The following TMEM129 variants were observed in gnomAD, a reference collection of about 807,000 sequenced individuals.
TMEM129 encodes transmembrane protein 129, E3 ubiquitin ligase.
TMEM129 carries 35 observed loss-of-function variants against 34.1 expected under a neutral mutation model. The observed-to-expected ratio is 1.03, with a 90% CI of 0.78 to 1.36. TMEM129 has a LOEUF of 1.36. Among genes scored for constraint, TMEM129 ranks in the 40% most tolerant of loss-of-function variants. The pLI is 0.00. For synonymous variants in TMEM129, 239 were observed against 217.3 expected (o/e 1.10, Z -0.88); for missense variants, 504 against 512.6 (o/e 0.98, Z 0.16).
intron 2 of TMEM129, 71 bp downstream of exon 2, chr4:1,718,081 G>T (rs192611930): frequency 7.3e-7 from 1 of 1,379,162 alleles, no homozygotes; most frequent in Non-Finnish European, 9.7e-7. Context: ...ACCTCCCAGG[G>T]GTCGTGGCAC....
At position 1,721,052 on chromosome 4, in the gene TMEM129, G is replaced by A; in HGVS notation, c.-215C>T. 1 of 300,254 alleles carries A rather than the reference G, an allele frequency of 3.3e-6. No individual in the cohort carries two copies. Among genetic ancestry groups the A allele is most frequent in the Non-Finnish European group, 6.1e-6 (1 of 164,254 alleles). The allele number at this position is 300,254 out of a possible 1,614,324, so 18.6% of individuals were successfully genotyped here. A position where few individuals can be genotyped will look rare whatever the true frequency, so the allele number is the denominator to read the frequency against. The stretch of plus-strand genomic sequence containing the variant: ...CGCCCGCGGGGCACTCTAGGACATG[G>A]AGTCCCGCCGCCCGGCCGCCCGCGG... On this transcript the variant is annotated 5_prime_UTR_variant, in exon 1 of 4. Transcript: ENST00000382936.
At chr4:1,718,808 T>C in intron 1 of TMEM129, 182 bp from the exon 2 acceptor site, 1 of 1,400,920 alleles carries the variant, frequency 7.1e-7, no homozygotes, top group Non-Finnish European at 9.2e-7. Flanking sequence ...AGGCAGGATA[T>C]ATTAGCGGAA....
At chr4:1,718,903 C>A in intron 1 of TMEM129, 1 of 1,320,488 alleles carries the variant, frequency 7.6e-7, no homozygotes, top group Non-Finnish European at 9.7e-7. Flanking sequence ...AAAATAAACA[C>A]AATCAGGTGT....
chr4:1,718,485 C>T lies in TMEM129; in HGVS notation c.347G>A (p.Arg116His), dbSNP rs774563060. 8.4e-6 allele frequency: 13 copies of T among 1,549,754 alleles called. No homozygotes were observed. The highest frequency in any genetic ancestry group is 2.7e-5 in the African/African-American group (2 of 73,244). Residue 116 changes from arginine to histidine, a missense_variant, in exon 2 of 4, where the codon CGT becomes CAT. Transcript: ENST00000382936. ...CAGTGGGTGGCAGGCCCACCGGTCA[C>T]GGGACCAGTAGTAGATCAGGATGCA... ...IACILIYYWSRDRWACHPLAR... is the reference protein window; with the variant it reads ...IACILIYYWSHDRWACHPLAR...
In TMEM129 at chr4:1,718,291, C is replaced by G. The variant is rs781162476; in HGVS notation, c.541G>C (p.Val181Leu). 8 of 1,612,956 alleles carry G rather than the reference C, an allele frequency of 5.0e-6. No homozygotes were observed. Among genetic ancestry groups the G allele is most frequent in the South Asian group, 1.1e-5 (1 of 90,872 alleles). ...AGGTGCACGTCCTGCTGCTGGGCCA[C>G]GTGCACTCGGTAGGTGGTTACCTTC... ...VMKVTTYRVHVAQQQDVHLTV... is the reference protein window; with the variant it reads ...VMKVTTYRVHLAQQQDVHLTV... Residue 181 changes from valine (V) to leucine (L), a missense_variant, in exon 2 of 4, where the codon GTG (valine) becomes CTG (leucine). Transcript: ENST00000382936.
chr4:1,717,218 C>T lies in TMEM129; in HGVS notation c.1051G>A (p.Ala351Thr), dbSNP rs1393521955. 1 of 1,492,876 alleles carries T rather than the reference C, an allele frequency of 6.7e-7. No homozygotes were observed. The highest frequency in any genetic ancestry group is 2.5e-5 in the East Asian group (1 of 39,970). The allele number at this position is 1,492,876 out of a possible 1,614,324, so 92.5% of individuals were successfully genotyped here. A position where few individuals can be genotyped will look rare whatever the true frequency, so the allele number is the denominator to read the frequency against. The change falls in exon 4 of 4, where the codon GCA becomes ACA. Residue 351 changes from alanine to threonine, a missense_variant. Ala to Thr is a moderately conservative substitution (Grantham distance 58, BLOSUM62 0). Transcript: ENST00000382936. ...ASRVPCPTCR[A>T]RFCILDVCTV... ...CACACATCCAGGATGCAGAAGCGTG[C>T]GCGGCAGGTGGGGCAGGGCACGCGG...
Position 1,716,103 on chromosome 4 carries a change from G to C in TMEM129, c.*1077C>G, listed in dbSNP as rs2108672779. The C allele has an allele frequency of 6.6e-6, 1 of 152,336 alleles. No homozygotes were observed. Among genetic ancestry groups the C allele is most frequent in the East Asian group, 1.9e-4 (1 of 5,190 alleles). The allele number at this position is 152,336 out of a possible 1,614,324, so 9.4% of individuals were successfully genotyped here. A position where few individuals can be genotyped will look rare whatever the true frequency, so the allele number is the denominator to read the frequency against. On this transcript the variant is annotated 3_prime_UTR_variant, in exon 4 of 4. Coordinates refer to ENST00000382936, the MANE Select transcript of TMEM129 (RefSeq NM_001127266.2). ...GAAACTCAGTTCAAAGCTAGGCCTG[G>C]CTCCCGGCCATGGCCCCTGCTGCCT...
At chr4:1,718,058 A>G in intron 2 of TMEM129, 94 bp downstream of exon 2, 1 of 1,194,210 alleles carries the variant, frequency 8.4e-7, no homozygotes, top group Non-Finnish European at 1.2e-6. Flanking sequence ...AGTCCACACC[A>G]GCTACACCCA....
In TMEM129 at chr4:1,717,752, C is replaced by A. The variant is rs569494141; in HGVS notation, c.681-77G>T. On this transcript the variant is annotated intron_variant, in intron 2 of 3. Transcript: ENST00000382936. ...ATGGAGGCTACACCCCAAGGAGTGA[C>A]AGGGCAGCTGTCGCACCAGGACCAA... 2.1e-6 allele frequency: 3 copies of A among 1,445,406 alleles called. No individual in the cohort carries two copies. The African/African-American group carries it at 4.3e-5, about 21-fold the overall frequency. The allele number at this position is 1,445,406 out of a possible 1,614,324, so 89.5% of individuals were successfully genotyped here.
chr4:1,719,652 G>A (rs1161288724), intron 1 of TMEM129, among the ~76,000 whole-genome samples: 2 of 152,248 alleles, frequency 1.3e-5, no homozygotes, highest in African/African-American at 4.8e-5. Context: ...AGGTGTGGCT[G>A]CCACAATTCA....
rs904559271 is a variant in TMEM129, at chr4:1,718,581, T to C, written c.251A>G (p.His84Arg). ...MCLAASEKRL[H>R]ALSQAPEAWR... ...GGCCTCAGGGGCCTGGCTGAGGGCG[T>C]GGAGCCGCTTTTCTGAAGCCGCAAG... Residue 84 changes from histidine to arginine, a missense_variant, in exon 2 of 4, where the codon CAC (histidine) becomes CGC (arginine). Physicochemically the swap from His to Arg is conservative, Grantham distance 29. Coordinates refer to ENST00000382936, the MANE Select transcript of TMEM129 (RefSeq NM_001127266.2). 1 of 1,464,520 alleles carries C rather than the reference T, an allele frequency of 6.8e-7. No homozygotes were observed. Among genetic ancestry groups the C allele is most frequent in the Admixed American group, 2.7e-5 (1 of 37,394 alleles). The allele number at this position is 1,464,520 out of a possible 1,614,324, so 90.7% of individuals were successfully genotyped here.
chr4:1,718,355 T>C lies in TMEM129; in HGVS notation c.477A>G (p.Ala159=). 2 of 1,613,210 alleles carry C rather than the reference T, an allele frequency of 1.2e-6. No individual in the cohort carries two copies. Among genetic ancestry groups the C allele is most frequent in the Non-Finnish European group, 1.7e-6 (2 of 1,179,832 alleles). Residue 159 remains alanine (A), a synonymous_variant, in exon 2 of 4, where the codon GCA becomes GCG. Transcript: ENST00000382936. ...CTGTCACAATCACACGGGCACCTGG[T>C]GCACCGGTGGCAAACTTGTCAATCC... ...FRRIDKFATG[A]PGARVIVTDT...
Position 1,720,891 on chromosome 4 carries a change from A to T in TMEM129, c.-54T>A. The T allele has an allele frequency of 6.7e-7, 1 of 1,494,508 alleles. No homozygotes were observed. Among genetic ancestry groups the T allele is most frequent in the East Asian group, 2.6e-5 (1 of 38,046 alleles). 92.6% of individuals were successfully genotyped at this position (1,494,508 alleles called of 1,614,324 possible). On this transcript the variant is annotated 5_prime_UTR_variant, in exon 1 of 4. Coordinates refer to ENST00000382936, the MANE Select transcript of TMEM129 (RefSeq NM_001127266.2). The surrounding 1 kb of genome is among the most constrained non-coding windows in gnomAD (Gnocchi z 4.4). ...AGGCCCCCGCCCCGGCGCGCGGACG[A>T]GGCCGCAGCGCCCAGTCCCGGACCT... is the stretch of plus-strand genomic sequence containing the variant.
chr4:1,718,325 C>A lies in TMEM129; in HGVS notation c.507G>T (p.Thr169=). The A allele has an allele frequency of 6.2e-7, 1 of 1,613,550 alleles. No individual in the cohort carries two copies. Among genetic ancestry groups the A allele is most frequent in the Non-Finnish European group, 8.5e-7 (1 of 1,179,936 alleles). ...APGARVIVTD[T]WVMKVTTYRV... is the part of the protein sequence containing the mutation. ...GGTAGGTGGTTACCTTCATCACCCA[C>A]GTGTCTGTCACAATCACACGGGCAC... The change falls in exon 2 of 4, where the codon ACG becomes ACT. Residue 169 remains threonine (T), a synonymous_variant. Transcript: ENST00000382936.
chr4:1,718,085 G>A (rs1560276495), intron 2 of TMEM129, 67 bp downstream of exon 2: 9 of 1,407,006 alleles, frequency 6.4e-6, no homozygotes, highest in Middle Eastern at 2.5e-4. Flanking sequence ...CCCAGGGGTC[G>A]TGGCACCAGA....
chr4:1,718,170 A>G lies in TMEM129; in HGVS notation c.662T>C (p.Val221Ala). The stretch of plus-strand genomic sequence containing the variant: ...CTCTTACCAGATGTCAAAGGCCTGC[A>G]CAGCAGGGTTGGTGCTGGCCACACG... The part of the protein sequence containing the change: ...TIRVASTNPA[V>A]QAFDIWLNST... The change falls in exon 2 of 4, where the codon GTG becomes GCG. Residue 221 changes from valine to alanine, a missense_variant. Coordinates refer to ENST00000382936, the MANE Select transcript of TMEM129 (RefSeq NM_001127266.2). 1 of 1,570,612 alleles carries G rather than the reference A, an allele frequency of 6.4e-7. No homozygotes were observed. The highest frequency in any genetic ancestry group is 8.6e-7 in the Non-Finnish European group (1 of 1,158,368).
Position 1,720,388 on chromosome 4 carries a change from G to C in TMEM129, c.205+245C>G, listed in dbSNP as rs1243186910. On this transcript the variant is annotated intron_variant, in intron 1 of 3. Coordinates refer to ENST00000382936, the MANE Select transcript of TMEM129 (RefSeq NM_001127266.2). The surrounding 1 kb of genome is among the most constrained non-coding windows in gnomAD (Gnocchi z 4.4). ...CCAGGCACGTGACGGTTCAGGACTT[G>C]GTGGGCCGGAGCATCCCTTGCCCAA... Among the ~76,000 whole-genome samples, 2 of 152,236 alleles carry C rather than the reference G, an allele frequency of 1.3e-5. No individual in the cohort carries two copies. The highest frequency in any genetic ancestry group is 2.9e-5 in the Non-Finnish European group (2 of 68,034).
rs982660945 is a variant in TMEM129 at position 1,720,370 on chromosome 4, C to T, written c.205+263G>A. Among the ~76,000 whole-genome samples the T allele has an allele frequency of 2.0e-5, 3 of 152,246 alleles. No individual in the cohort carries two copies. The highest frequency in any genetic ancestry group is 4.4e-5 in the Non-Finnish European group (3 of 68,036). On this transcript the variant is annotated intron_variant, in intron 1 of 3. Transcript: ENST00000382936. The surrounding 1 kb of genome is among the most constrained non-coding windows in gnomAD (Gnocchi z 4.4). ...TGCTTGGCCTTGCAACCCCCAGGCA[C>T]GTGACGGTTCAGGACTTGGTGGGCC...
Position 1,720,867 on chromosome 4 carries a change from G to A in TMEM129, c.-30C>T, listed in dbSNP as rs758727950. On this transcript the variant is annotated 5_prime_UTR_variant, in exon 1 of 4. Coordinates refer to ENST00000382936, the MANE Select transcript of TMEM129 (RefSeq NM_001127266.2). The surrounding 1 kb of genome is among the most constrained non-coding windows in gnomAD (Gnocchi z 4.4). Reference sequence around the variant, plus strand: ...CAGCCGCCGGGAAGCTGTCGAGCTAGGCCCCCGCCCCGGCGCGCGGACGAG... The same window carrying A: ...CAGCCGCCGGGAAGCTGTCGAGCTAAGCCCCCGCCCCGGCGCGCGGACGAG... The A allele has an allele frequency of 1.9e-6, 3 of 1,549,548 alleles. No homozygotes were observed. The highest frequency in any genetic ancestry group is 2.4e-5 in the South Asian group (2 of 83,896).
Sources: allele counts gnomAD v4.1 joint callset (sites outside exome capture counted in the v4.1 genomes callset), GRCh38; gene constraint gnomAD v4.1.1; non-coding constraint Gnocchi (gnomAD v3.1); transcripts MANE v1.5; gene names NCBI Gene and HGNC (gene_info 2026-07-23, HGNC 2026-07-21).